The following RBMS3 variants were observed in gnomAD, a reference collection of about 807,000 sequenced individuals.
RBMS3 encodes RNA binding motif single stranded interacting protein 3.
Under a neutral mutation model 66.8 loss-of-function variants are expected in RBMS3, and 27 were observed. The ratio of observed to expected loss-of-function variants is 0.40; its 90% CI spans 0.30 to 0.56. The LOEUF (loss-of-function observed/expected upper bound fraction) is 0.56. RBMS3 is among the 20% of genes least tolerant of loss of function. The probability of loss-of-function intolerance (pLI) is 0.40; values close to 1 mark genes in which losing one functional copy is unlikely to be tolerated. For missense variants in RBMS3, 513 were observed against 549.5 expected, an observed-to-expected ratio of 0.93 and a Z score of 0.66; for synonymous variants, 188 against 183.0, an observed-to-expected ratio of 1.03 and a Z score of -0.22.
intron 3 of RBMS3, among the ~76,000 whole-genome samples, chr3:29,549,788 A>G (rs1186224080): frequency 6.6e-6 from 1 of 151,782 alleles, no homozygotes; most frequent in African/African-American, 2.4e-5. Context: ...TAGTGCACAG[A>G]GAAAAAAAAA....
chr3:29,521,868 A>G (rs1171120731), intron 3 of RBMS3, among the ~76,000 whole-genome samples: 1 of 152,226 alleles, frequency 6.6e-6, no homozygotes, highest in Non-Finnish European at 1.5e-5. Context: ...ACCCTGATAC[A>G]TAAGGTTAAT....
chr3:29,534,306 C>A (rs1252317912), intron 3 of RBMS3, among the ~76,000 whole-genome samples: 1 of 152,096 alleles, frequency 6.6e-6, no homozygotes, highest in African/African-American at 2.4e-5. Context: ...TGAGTTTCTG[C>A]GGAAGGAAAG....
At chr3:29,361,868 T>G (rs4377454) in intron 1 of RBMS3, among the ~76,000 whole-genome samples, 109,594 of 152,088 alleles carry the variant, frequency 0.72, 39,543 homozygotes, top group Admixed American at 0.75. Flanking sequence ...CATTCATCAC[T>G]TAGTTCTCGT....
At chr3:29,640,567 G>A (rs1354035712) in intron 4 of RBMS3, among the ~76,000 whole-genome samples, 2 of 151,890 alleles carry the variant, frequency 1.3e-5, no homozygotes, top group Non-Finnish European at 2.9e-5. Context: ...GTTCTTGAAG[G>A]ATGATGTGTT....
At chr3:29,665,972 G>A (rs2050736362) in intron 4 of RBMS3, among the ~76,000 whole-genome samples, 1 of 152,076 alleles carries the variant, frequency 6.6e-6, no homozygotes, top group African/African-American at 2.4e-5. Flanking sequence ...TAATCTAAAA[G>A]GCTCGTCTAC....
intron 14 of RBMS3, among the ~76,000 whole-genome samples, chr3:29,997,001 A>C (rs188637111): frequency 0.086 from 13,031 of 151,274 alleles, 965 homozygotes; most frequent in South Asian, 0.18. Flanking sequence ...AAAAGATCAA[A>C]AAAATTGATA....
intron 1 of RBMS3, among the ~76,000 whole-genome samples, chr3:29,334,241 C>T (rs2035822307): frequency 6.6e-6 from 1 of 152,112 alleles, no homozygotes; most frequent in Admixed American, 6.6e-5. Context: ...AAGCTTTTCA[C>T]AGTTCCGTTT....
chr3:29,833,113 T>A (rs2058417314), intron 6 of RBMS3, among the ~76,000 whole-genome samples: 1 of 152,192 alleles, frequency 6.6e-6, no homozygotes, highest in African/African-American at 2.4e-5. Flanking sequence ...GGAGCAGATG[T>A]ATCCATGGAA....
intron 1 of RBMS3, among the ~76,000 whole-genome samples, chr3:29,374,997 A>T (rs541710424): frequency 6.6e-6 from 1 of 152,324 alleles, no homozygotes; most frequent in South Asian, 2.1e-4. Context: ...GCATGGTACT[A>T]GTACAAGAAC....
At chr3:29,916,169 A>G (rs1392225850) in intron 10 of RBMS3, among the ~76,000 whole-genome samples, 1 of 151,982 alleles carries the variant, frequency 6.6e-6, no homozygotes, top group African/African-American at 2.4e-5. Context: ...CAGAGCCAAA[A>G]TTATGCAAGG....
At chr3:29,816,693 A>G (rs2057914274) in intron 6 of RBMS3, among the ~76,000 whole-genome samples, 2 of 152,162 alleles carry the variant, frequency 1.3e-5, no homozygotes, top group Non-Finnish European at 2.9e-5. Context: ...ATAAAAAGTG[A>G]CCCATAGAAA....
rs946603803 is a variant in RBMS3, at chr3:29,810,974, A to G, written c.637+47985A>G. 3.3e-5 allele frequency among the ~76,000 whole-genome samples: 5 copies of G among 152,214 alleles called. No homozygotes were observed. In the South Asian group the frequency reaches 1.0e-3, roughly 32 times the overall value. On this transcript the variant is annotated intron_variant, in intron 6 of 14. Coordinates refer to ENST00000383767, the MANE Select transcript of RBMS3 (RefSeq NM_001003793.3). Reference sequence around the variant, plus strand: ...CCCAAACTCATTTCTTTGGTAATGAACATTGTCTCCATAAAATTGCATTAT... The same window carrying G: ...CCCAAACTCATTTCTTTGGTAATGAGCATTGTCTCCATAAAATTGCATTAT...
intron 12 of RBMS3, among the ~76,000 whole-genome samples, chr3:29,985,444 G>A (rs920182343): frequency 7.2e-5 from 11 of 151,952 alleles, no homozygotes; most frequent in African/African-American, 1.7e-4. Flanking sequence ...ATAGCTGCCC[G>A]GTTTTGTGCT....
At chr3:29,703,157 A>G (rs1428024106) in intron 4 of RBMS3, among the ~76,000 whole-genome samples, 1 of 152,272 alleles carries the variant, frequency 6.6e-6, no homozygotes, top group Non-Finnish European at 1.5e-5. Context: ...AAACACAGGC[A>G]TAATTGCATT....
chr3:29,640,327 G>A (rs751966452), intron 4 of RBMS3, among the ~76,000 whole-genome samples: 8 of 151,236 alleles, frequency 5.3e-5, no homozygotes, highest in Non-Finnish European at 1.0e-4. Context: ...GCAAAAGGTA[G>A]AAAGTTTATC....
intron 5 of RBMS3, among the ~76,000 whole-genome samples, chr3:29,756,182 A>G (rs926726190): frequency 1.3e-5 from 2 of 152,072 alleles, no homozygotes; most frequent in African/African-American, 2.4e-5. Context: ...TTATTTTTGC[A>G]TATCGATTCT....
At chr3:29,868,717 A>G (rs2059418429) in intron 6 of RBMS3, 141 bp from the exon 7 acceptor site, 2 of 711,882 alleles carry the variant, frequency 2.8e-6, no homozygotes, top group African/African-American at 1.8e-5. Context: ...CAGAGCTGAG[A>G]CTAAAAGGGG....
intron 4 of RBMS3, among the ~76,000 whole-genome samples, chr3:29,717,448 C>G (rs543092668): frequency 6.6e-6 from 1 of 151,990 alleles, no homozygotes; most frequent in African/African-American, 2.4e-5. Context: ...CTTCTTCTGT[C>G]CCTTTTTCTA....
At chr3:29,904,390 A>G (rs1271945550) in intron 10 of RBMS3, among the ~76,000 whole-genome samples, 2 of 151,948 alleles carry the variant, frequency 1.3e-5, no homozygotes, top group Non-Finnish European at 1.5e-5. Context: ...TATTTTTAAT[A>G]TAGAAACAAT....
Sources: gnomAD v4.1 joint callset for allele counts (sites outside exome capture counted in the v4.1 genomes callset) on GRCh38, gnomAD v4.1.1 for gene constraint, MANE v1.5 for transcripts, NCBI Gene and HGNC (gene_info 2026-07-23, HGNC 2026-07-21) for gene names.